XYLB: variants seen among roughly 807,000 people sequenced by gnomAD.
XYLB encodes the protein xylulose kinase.
A neutral mutation model predicts 78.7 loss-of-function variants in XYLB; 62 were observed. The observed-to-expected ratio is 0.79, with a 90% confidence interval of 0.64 to 0.97. The LOEUF is 0.97. Among genes scored for constraint, XYLB ranks in the 50% least tolerant of loss-of-function variants. XYLB has a pLI of 0.00. For synonymous variants in XYLB, 245 were observed against 247.4 expected (o/e 0.99, Z 0.09); for missense variants, 687 against 676.8 (o/e 1.02, Z -0.17).
At chr3:38,365,768 G>A in intron 6 of XYLB, 32 bp downstream of exon 6, 1 of 1,592,560 alleles carries the variant, frequency 6.3e-7, no homozygotes, top group Non-Finnish European at 8.6e-7. Flanking sequence ...TGCAGGGGGT[G>A]GTCTGGTTGC....
Position 38,370,262 on chromosome 3 carries a change from A to ACACACACACACC in XYLB, c.765+93_765+94insACACACCCACAC, listed in dbSNP as rs1232993154. ...AGCGCACACACACACACACACACAC[A>ACACACACACACC]CACACTCTGCACACACCCTTATTTG... On this transcript the variant is annotated intron_variant, in intron 9 of 18. Coordinates refer to ENST00000207870, the MANE Select transcript of XYLB (RefSeq NM_005108.4). The ACACACACACACC allele has an allele frequency of 5.6e-6, 5 of 891,698 alleles. No homozygotes were observed. The Admixed American group carries it at 5.6e-5, about 10-fold the overall frequency. The allele number at this position is 891,698 out of a possible 1,614,324, so 55.2% of individuals were successfully genotyped here.
At chr3:38,415,037 G>A (rs1708741646), downstream of XYLB, 1 of 152,104 alleles carries the variant, frequency 6.6e-6, no homozygotes, top group Admixed American at 6.6e-5. Context: ...TTAGAATATT[G>A]AACCAGAATG....
At chr3:38,433,274 C>A in the XYLB span, among the ~76,000 whole-genome samples, 1 of 152,214 alleles carries the variant, frequency 6.6e-6, no homozygotes, top group African/African-American at 2.4e-5. Context: ...AGGGCCTGGG[C>A]CTGGCCCACA....
intron 18 of XYLB, among the ~76,000 whole-genome samples, chr3:38,405,560 G>A (rs879650435): frequency 7.2e-5 from 11 of 152,182 alleles, no homozygotes; most frequent in South Asian, 4.1e-4. Context: ...TGCACCGTGC[G>A]CAAGCCGAAG....
chr3:38,407,437 T>A (rs1408825001), intron 18 of XYLB, among the ~76,000 whole-genome samples: 1 of 152,084 alleles, frequency 6.6e-6, no homozygotes, highest in African/African-American at 2.4e-5. Context: ...TCATGCCAAA[T>A]TGTAAAGACC....
chr3:38,423,006 T>G (rs1004041949), downstream of XYLB, among the ~76,000 whole-genome samples: 1 of 152,170 alleles, frequency 6.6e-6, no homozygotes, highest in Non-Finnish European at 1.5e-5. Context: ...TCTTAGTTAC[T>G]GAACAATTAG....
downstream of XYLB, among the ~76,000 whole-genome samples, chr3:38,425,866 C>G (rs757150846): frequency 1.3e-5 from 2 of 152,180 alleles, no homozygotes; most frequent in Non-Finnish European, 2.9e-5. Flanking sequence ...TCTCCCTAAT[C>G]ATCATGGGAC....
rs369091949 is a variant in XYLB, at chr3:38,353,608, G to A, written c.140+4976G>A. ...TTACAGGCGTGAACCACCACACCCA[G>A]CCTCAACCGGGTTTTTAGAAGCCCA... On this transcript the variant is annotated intron_variant, in intron 2 of 18. Transcript: ENST00000207870. Among the ~76,000 whole-genome samples the A allele has an allele frequency of 3.8e-4, 58 of 152,172 alleles. 3 individuals carry two copies. The South Asian group carries it at 0.011, about 28-fold the overall frequency.
At chr3:38,436,500 C>T in the XYLB span, among the ~76,000 whole-genome samples, 1 of 152,216 alleles carries the variant, frequency 6.6e-6, no homozygotes, top group East Asian at 1.9e-4. Context: ...TGTAAAAGAA[C>T]TAATACCAAC....
chr3:38,368,172 C>A lies in XYLB; in HGVS notation c.574-13C>A. 6.2e-7 allele frequency: 1 copy of A among 1,613,760 alleles called. No individual in the cohort carries two copies. Among genetic ancestry groups the A allele is most frequent in the South Asian group, 1.1e-5 (1 of 91,070 alleles). On this transcript the variant is annotated splice_polypyrimidine_tract_variant and intron_variant, in intron 7 of 18. Coordinates refer to ENST00000207870, the MANE Select transcript of XYLB (RefSeq NM_005108.4). ...GGAAGTGAGGCACCTCTCACTGTTT[C>A]TTTCCTTTACAGAGAATTTCTTTGG... is the stretch of plus-strand genomic sequence containing the variant.
chr3:38,368,247 C>G lies in XYLB; in HGVS notation c.636C>G (p.Asp212Glu), dbSNP rs766711958. 9.3e-6 allele frequency: 15 copies of G among 1,614,026 alleles called. No individual in the cohort carries two copies. Among genetic ancestry groups the G allele is most frequent in the Middle Eastern group, 3.3e-4 (2 of 6,082 alleles). ...SLFLGSYSPI[D>E]YSDGSGMNLL... is the part of the protein sequence containing the mutation. ...TCCTTGGCTCTTACTCCCCTATTGA[C>G]TACAGTGATGGTGAGCCTCGGGGTA... Residue 212 changes from aspartate (D) to glutamate (E), a missense_variant, in exon 8 of 19, where the codon GAC (aspartate) becomes GAG (glutamate). Transcript: ENST00000207870.
chr3:38,363,951 A>T (rs1046501537), intron 4 of XYLB, among the ~76,000 whole-genome samples: 7 of 152,176 alleles, frequency 4.6e-5, no homozygotes, highest in African/African-American at 1.7e-4. Context: ...ATGACCTAAC[A>T]GGAATTTATT....
At chr3:38,355,383 A>T (rs1031400385) in intron 2 of XYLB, among the ~76,000 whole-genome samples, 3 of 152,230 alleles carry the variant, frequency 2.0e-5, no homozygotes, top group African/African-American at 7.2e-5. Flanking sequence ...CCATCCAATG[A>T]TAGCAAGTAG....
At chr3:38,425,348 C>T (rs1709079163), downstream of XYLB, among the ~76,000 whole-genome samples, 1 of 152,192 alleles carries the variant, frequency 6.6e-6, no homozygotes, top group Non-Finnish European at 1.5e-5. Flanking sequence ...ATATTAAACA[C>T]ATTACTGGCA....
chr3:38,429,289 A>G, the XYLB span, among the ~76,000 whole-genome samples: 1 of 152,148 alleles, frequency 6.6e-6, no homozygotes, highest in Admixed American at 6.5e-5. Flanking sequence ...GCACTCCTTA[A>G]TAAACATCCT....
Position 38,365,241 on chromosome 3 carries a change from C to T in XYLB, c.334C>T (p.Leu112=). The change falls in exon 5 of 19, where the codon CTG becomes TTG. Residue 112 remains leucine, a synonymous_variant. Transcript: ENST00000207870. ...CTGGAAGGCTGGAGCCCAGCAGGCA[C>T]TGACAAGCTTATCACCAGACCTCCG... is the stretch of plus-strand genomic sequence containing the variant. The part of the protein sequence containing the change: ...IYWKAGAQQA[L]TSLSPDLRLH... 6.2e-7 allele frequency: 1 copy of T among 1,614,238 alleles called. No individual in the cohort carries two copies. The highest frequency in any genetic ancestry group is 8.5e-7 in the Non-Finnish European group (1 of 1,180,036).
At chr3:38,389,008 G>T (rs1199746171) in intron 15 of XYLB, among the ~76,000 whole-genome samples, 1 of 149,134 alleles carries the variant, frequency 6.7e-6, no homozygotes, top group Non-Finnish European at 1.5e-5. Context: ...ATTTGGCAGG[G>T]TCATAGGACA....
chr3:38,418,814 A>T, downstream of XYLB, among the ~76,000 whole-genome samples: 1 of 152,178 alleles, frequency 6.6e-6, no homozygotes, highest in Middle Eastern at 3.4e-3. Context: ...CATGTTTTGT[A>T]ATAAAATGTA....
intron 15 of XYLB, among the ~76,000 whole-genome samples, chr3:38,388,398 A>G (rs902837295): frequency 2.0e-5 from 3 of 152,114 alleles, no homozygotes; most frequent in African/African-American, 7.2e-5. Flanking sequence ...ACCACAAAAG[A>G]TAAGTATGTG....
Sources: allele counts gnomAD v4.1 joint callset (sites outside exome capture counted in the v4.1 genomes callset), GRCh38; gene constraint gnomAD v4.1.1; transcripts MANE v1.5; gene names NCBI Gene and HGNC (gene_info 2026-07-23, HGNC 2026-07-21).